VPS13A: variants seen among roughly 807,000 people sequenced by gnomAD.
The protein encoded by VPS13A is intermembrane lipid transfer protein VPS13A.
In VPS13A, 264 loss-of-function variants were observed where a neutral mutation model predicts 390.9. That is an observed-to-expected ratio of 0.68 (90% confidence interval 0.61 to 0.75). VPS13A has a LOEUF of 0.75. Ranked by LOEUF, VPS13A falls within the 30% of genes least tolerant of loss-of-function variation. The pLI, the probability that VPS13A is intolerant of heterozygous loss-of-function variation, is 0.00. For synonymous variants in VPS13A, 1,231 were observed against 1,227.1 expected (o/e 1.00, Z -0.07); for missense variants, 3,409 against 3,733.9 (o/e 0.91, Z 2.27).
intron 54 of VPS13A, among the ~76,000 whole-genome samples, chr9:77,355,402 T>C (rs1424349386): frequency 1.3e-5 from 2 of 152,222 alleles, no homozygotes; most frequent in Non-Finnish European, 2.9e-5. Context: ...TCCAGTCTCA[T>C]TCATTGGTTC....
At chr9:77,306,963 G>GT (rs1389659450) in intron 34 of VPS13A, among the ~76,000 whole-genome samples, 2 of 149,750 alleles carry the variant, frequency 1.3e-5, no homozygotes, top group African/African-American at 2.5e-5. Context: ...CTGGAGGGCA[G>GT]TGGCGCGATC....
chr9:77,333,099 G>A (rs1436851834), intron 46 of VPS13A, among the ~76,000 whole-genome samples: 3 of 151,948 alleles, frequency 2.0e-5, no homozygotes, highest in African/African-American at 4.8e-5. Context: ...ATTTGGGGTG[G>A]GTTACAAGAC....
intron 1 of VPS13A, chr9:77,178,188 T>C: frequency 3.6e-6 from 1 of 278,486 alleles, no homozygotes; most frequent in Non-Finnish European, 7.0e-6. Context: ...CTTCCTGGGC[T>C]GGGTCCCATC....
chr9:77,357,801 A>C lies in VPS13A; in HGVS notation c.7916A>C (p.His2639Pro). The change falls in exon 56 of 72, where the codon CAT (histidine) becomes CCT (proline). Residue 2639 changes from histidine (H) to proline (P), a missense_variant. By Grantham distance (77) the His-to-Pro change is moderately conservative. Coordinates refer to ENST00000360280, the MANE Select transcript of VPS13A (RefSeq NM_033305.3). The stretch of plus-strand genomic sequence containing the variant: ...AAAGTGGAATATAACACATCTGCAC[A>C]TCAATCATCATTTAGAATTCAGATT... ...ALKVEYNTSAHQSSFRIQIYR... is the reference protein window; with the variant it reads ...ALKVEYNTSAPQSSFRIQIYR... 6.2e-7 allele frequency: 1 copy of C among 1,613,826 alleles called. No homozygotes were observed. The highest frequency in any genetic ancestry group is 8.5e-7 in the Non-Finnish European group (1 of 1,179,854).
rs1274963517 is a variant in VPS13A at position 77,401,056 on chromosome 9, T to A, written c.9190-2180T>A. Reference sequence around the variant, plus strand: ...AAATTTCCGTAATTGGATAGGATTTTATAATGTCGTATATGCATAGTGGTC... The same window carrying A: ...AAATTTCCGTAATTGGATAGGATTTAATAATGTCGTATATGCATAGTGGTC... On this transcript the variant is annotated intron_variant, in intron 68 of 71. Transcript: ENST00000360280. Among the ~76,000 whole-genome samples the A allele has an allele frequency of 2.6e-5, 4 of 152,168 alleles. No individual in the cohort carries two copies. In the East Asian group the frequency reaches 7.7e-4, roughly 29 times the overall value.
chr9:77,302,847 AG>A (rs1828461596), intron 33 of VPS13A, 67 bp from the exon 34 acceptor site: 3 of 1,487,068 alleles, frequency 2.0e-6, no homozygotes, highest in Admixed American at 3.4e-5. Context: ...GATAAATTTA[AG>A]TTAATCTTTT....
chr9:77,414,834 G>C (rs12342273), intron 71 of VPS13A, among the ~76,000 whole-genome samples: 74,246 of 151,736 alleles, frequency 0.49, 18,610 homozygotes, highest in Middle Eastern at 0.62. Flanking sequence ...AGACTCAGAA[G>C]AGATCCCTGG....
chr9:77,403,184 A>G, intron 68 of VPS13A, 52 bp from the exon 69 acceptor site: 1 of 1,338,052 alleles, frequency 7.5e-7, no homozygotes, highest in South Asian at 1.2e-5. Context: ...TGTTTGCATT[A>G]CAGTAGGAAA....
intron 27 of VPS13A, among the ~76,000 whole-genome samples, chr9:77,280,725 C>A: frequency 6.6e-6 from 1 of 152,142 alleles, no homozygotes; most frequent in South Asian, 2.1e-4. Flanking sequence ...TGCTGACTTC[C>A]GTGTTTCTGC....
At position 77,218,102 on chromosome 9, in the gene VPS13A, T is replaced by C. The variant is rs533136325; in HGVS notation, c.755-1852T>C. 2.0e-5 allele frequency among the ~76,000 whole-genome samples: 3 copies of C among 151,992 alleles called. No individual in the cohort carries two copies. In the South Asian group the frequency reaches 6.2e-4, roughly 32 times the overall value. ...ATCTTCTTTTGAAAAATATTTATGT[T>C]CTTTGCCCACTTTTTTTTTTTTTTT... On this transcript the variant is annotated intron_variant, in intron 10 of 71. Coordinates refer to ENST00000360280, the MANE Select transcript of VPS13A (RefSeq NM_033305.3).
chr9:77,379,309 C>T (rs1833300748), intron 67 of VPS13A, among the ~76,000 whole-genome samples: 1 of 150,516 alleles, frequency 6.6e-6, no homozygotes, highest in Non-Finnish European at 1.5e-5. Context: ...GGCGCTATCT[C>T]AGCTCACCGC....
chr9:77,332,938 A>T lies in VPS13A; in HGVS notation c.6095+825A>T, dbSNP rs542042599. On this transcript the variant is annotated intron_variant, in intron 46 of 71. Coordinates refer to ENST00000360280, the MANE Select transcript of VPS13A (RefSeq NM_033305.3). ...ATCCTCAATGCTCCGAAGACAATCTAGCAGTTTTAGGCACCTATTTTCACA... is the reference window on the plus strand; with the variant it reads ...ATCCTCAATGCTCCGAAGACAATCTTGCAGTTTTAGGCACCTATTTTCACA... 1.3e-4 allele frequency among the ~76,000 whole-genome samples: 20 copies of T among 152,330 alleles called. No individual in the cohort carries two copies. The South Asian group carries it at 3.7e-3, about 28-fold the overall frequency.
chr9:77,393,573 A>G (rs1833988961), intron 68 of VPS13A, among the ~76,000 whole-genome samples: 1 of 152,186 alleles, frequency 6.6e-6, no homozygotes, highest in Admixed American at 6.5e-5. Context: ...TGTTTGATCC[A>G]TGGGGGCTGT....
chr9:77,332,134 T>C, intron 46 of VPS13A, 21 bp downstream of exon 46: 1 of 1,565,126 alleles, frequency 6.4e-7, no homozygotes, highest in African/African-American at 1.4e-5. Flanking sequence ...TTTATCATTT[T>C]ATTTACTCTA....
intron 71 of VPS13A, among the ~76,000 whole-genome samples, chr9:77,408,723 T>C (rs1204735063): frequency 2.6e-5 from 4 of 152,108 alleles, no homozygotes; most frequent in Non-Finnish European, 5.9e-5. Flanking sequence ...GAGATCAAAG[T>C]GCAAGGCAGC....
At position 77,370,913 on chromosome 9, in the gene VPS13A, A is replaced by C. The variant is rs1367461132; in HGVS notation, c.8931A>C (p.Gly2977=). 8.7e-6 allele frequency: 14 copies of C among 1,613,576 alleles called. No homozygotes were observed. The highest frequency in any genetic ancestry group is 1.1e-5 in the Non-Finnish European group (13 of 1,179,998). ...LVSGFVSGIT[G]IVTKPIKGAQ... is the part of the protein sequence containing the mutation. ...AGGGATTTGTTAGTGGCATAACAGG[A>C]ATTGTTACAAAACCAATCAAAGGCA... The change falls in exon 66 of 72, where the codon GGA becomes GGC. Residue 2977 remains glycine (G), a synonymous_variant. Coordinates refer to ENST00000360280, the MANE Select transcript of VPS13A (RefSeq NM_033305.3).
At chr9:77,316,574 C>G (rs1829402126) in intron 39 of VPS13A, among the ~76,000 whole-genome samples, 168 bp downstream of exon 39, 1 of 152,058 alleles carries the variant, frequency 6.6e-6, no homozygotes, top group Admixed American at 6.6e-5. Flanking sequence ...CTTTGAAACT[C>G]TTTCATTCTT....
At chr9:77,353,337 C>A in intron 53 of VPS13A, 72 bp from the exon 54 acceptor site, 1 of 1,205,724 alleles carries the variant, frequency 8.3e-7, no homozygotes, top group Non-Finnish European at 1.2e-6. Flanking sequence ...AATGTGAAAT[C>A]TAAATTTCAT....
chr9:77,256,378 T>A (rs1825444087), intron 22 of VPS13A, among the ~76,000 whole-genome samples: 2 of 152,168 alleles, frequency 1.3e-5, no homozygotes, highest in South Asian at 4.1e-4. Context: ...TTCACTTTTT[T>A]AACATTTTTT....
Sources: allele counts gnomAD v4.1 joint callset (sites outside exome capture counted in the v4.1 genomes callset), GRCh38; gene constraint gnomAD v4.1.1; transcripts MANE v1.5; gene names NCBI Gene and HGNC (gene_info 2026-07-23, HGNC 2026-07-21).